Variants in FAM222B observed in about 807,000 individuals in gnomAD.
The protein encoded by FAM222B is family with sequence similarity 222 member B.
A neutral mutation model predicts 38.0 loss-of-function variants in FAM222B; 12 were observed. The observed-to-expected ratio is 0.32, with a 90% CI of 0.20 to 0.51. The LOEUF is 0.51. Ranked by LOEUF, FAM222B falls within the 20% of genes least tolerant of loss-of-function variation. The probability of loss-of-function intolerance (pLI) is 0.97; values close to 1 mark genes in which losing one functional copy is unlikely to be tolerated. For missense variants in FAM222B, 716 were observed against 754.2 expected (o/e 0.95, Z 0.59); for synonymous variants, 329 against 317.2 (o/e 1.04, Z -0.40).
At chr17:28,786,708 G>T (rs4795459) in intron 1 of FAM222B, among the ~76,000 whole-genome samples, 1 of 151,792 alleles carries the variant, frequency 6.6e-6, no homozygotes, top group African/African-American at 2.4e-5. Flanking sequence ...CTGGGAAAAA[G>T]GATTTCACAT....
At position 28,811,761 on chromosome 17, in the gene FAM222B, T is replaced by C. The variant is rs542776515; in HGVS notation, c.-41+30921A>G. ...CCTTTAACCACCATTTGACTGGGGC[T>C]GCTCCCTCTTTCCACTAGCACCTCC... On this transcript the variant is annotated intron_variant, in intron 1 of 2. Transcript: ENST00000581407. 2.0e-5 allele frequency among the ~76,000 whole-genome samples: 3 copies of C among 152,322 alleles called. 1 individual carries two copies. The South Asian group carries it at 6.2e-4, about 32-fold the overall frequency.
chr17:28,777,013 A>C (rs758038781), intron 1 of FAM222B: 18 of 152,110 alleles, frequency 1.2e-4, no homozygotes, highest in Non-Finnish European at 2.5e-4. Context: ...ATAACTAAGA[A>C]TCTCCCAACT....
chr17:28,782,404 C>A (rs1177585137), intron 1 of FAM222B, among the ~76,000 whole-genome samples: 1 of 152,116 alleles, frequency 6.6e-6, no homozygotes, highest in Admixed American at 6.6e-5. Context: ...ATTCTCTTCA[C>A]TGCAGTGCTG....
intron 1 of FAM222B, among the ~76,000 whole-genome samples, chr17:28,822,210 C>A (rs900346953): frequency 2.0e-5 from 3 of 150,798 alleles, no homozygotes; most frequent in African/African-American, 7.3e-5. Context: ...TTAGTACAGA[C>A]GGGGTTTCAC....
chr17:28,756,914 G>C lies in FAM222B; in HGVS notation c.*1356C>G, dbSNP rs2034725454. On this transcript the variant is annotated 3_prime_UTR_variant, in exon 3 of 3. Transcript: ENST00000581407. ...GACATTCCCCAGAGACAAGAGGAAA[G>C]GTAAGGGCTTATTTCATCTGTAAAA... 6.6e-6 allele frequency: 1 copy of C among 152,330 alleles called. No homozygotes were observed. The highest frequency in any genetic ancestry group is 6.6e-5 in the Admixed American group (1 of 15,256). 9.4% of individuals were successfully genotyped at this position (152,330 alleles called of 1,614,324 possible).
At chr17:28,760,017 C>A in intron 2 of FAM222B, 141 bp from the exon 3 acceptor site, 2 of 815,428 alleles carry the variant, frequency 2.5e-6, no homozygotes, top group Non-Finnish European at 1.9e-6. Context: ...AGCCTTCATT[C>A]GAGACCCAGC....
chr17:28,803,020 T>C (rs1202827865), intron 1 of FAM222B, among the ~76,000 whole-genome samples: 1 of 152,044 alleles, frequency 6.6e-6, no homozygotes, highest in Non-Finnish European at 1.5e-5. Context: ...TTTTTCTTTT[T>C]TTTTTTGAGA....
chr17:28,827,795 C>T (rs1319741052), intron 1 of FAM222B, among the ~76,000 whole-genome samples: 2 of 152,066 alleles, frequency 1.3e-5, no homozygotes, highest in East Asian at 1.9e-4. Flanking sequence ...ATGTATCAGG[C>T]ACTAGGGTAA....
rs533487486 is a variant in FAM222B at position 28,764,539 on chromosome 17, G to A, written c.82+2047C>T. ...CGAGGCAGGCGGATCACCTGAAGTC[G>A]GGAGTTCGAGACCAGCCTGACCAAC... On this transcript the variant is annotated intron_variant, in intron 2 of 2. Transcript: ENST00000581407. 2.6e-5 allele frequency among the ~76,000 whole-genome samples: 4 copies of A among 152,054 alleles called. No homozygotes were observed. The East Asian group carries it at 7.7e-4, about 29-fold the overall frequency.
intron 1 of FAM222B, among the ~76,000 whole-genome samples, chr17:28,821,894 G>T (rs2038232030): frequency 6.6e-6 from 1 of 152,052 alleles, no homozygotes; most frequent in African/African-American, 2.4e-5. Context: ...CCTGGGGCTG[G>T]GCAGAGGTTG....
At chr17:28,799,961 C>T (rs1209739096) in intron 1 of FAM222B, among the ~76,000 whole-genome samples, 1 of 151,902 alleles carries the variant, frequency 6.6e-6, no homozygotes, top group Non-Finnish European at 1.5e-5. Context: ...TCCACACATA[C>T]CAAAGACTGC....
At chr17:28,833,132 A>T (rs2038722732) in intron 1 of FAM222B, among the ~76,000 whole-genome samples, 1 of 151,438 alleles carries the variant, frequency 6.6e-6, no homozygotes, top group Admixed American at 6.6e-5. Flanking sequence ...ACCTGGTGAA[A>T]CCTGGTCTCA....
At chr17:28,786,411 C>T (rs1424338891) in intron 1 of FAM222B, among the ~76,000 whole-genome samples, 1 of 152,166 alleles carries the variant, frequency 6.6e-6, no homozygotes, top group African/African-American at 2.4e-5. Context: ...CTGTATTATT[C>T]ACACAGAGTA....
chr17:28,768,706 C>T (rs1161568755), intron 1 of FAM222B, among the ~76,000 whole-genome samples: 1 of 151,868 alleles, frequency 6.6e-6, no homozygotes, highest in Non-Finnish European at 1.5e-5. Flanking sequence ...CATGGTGGCG[C>T]ATGCCTGTAG....
At position 28,758,898 on chromosome 17, in the gene FAM222B, G is replaced by T; in HGVS notation, c.1061C>A (p.Thr354Asn). ...TGGCTTGAGGTCGCTAGGGTAGCCAGTGGGGACGCGAGAGATGCCTGTGGG... is the reference window on the plus strand; with the variant it reads ...TGGCTTGAGGTCGCTAGGGTAGCCATTGGGGACGCGAGAGATGCCTGTGGG... ...NLPTGISRVP[T>N]GYPSDLKPVT... Residue 354 changes from threonine to asparagine, a missense_variant, in exon 3 of 3, where the codon ACT becomes AAT. Transcript: ENST00000581407. The T allele has an allele frequency of 6.8e-6, 11 of 1,609,318 alleles. No homozygotes were observed. Among genetic ancestry groups the T allele is most frequent in the Non-Finnish European group, 9.3e-6 (11 of 1,178,300 alleles).
intron 1 of FAM222B, among the ~76,000 whole-genome samples, chr17:28,781,368 A>AATATAT (rs145636101): frequency 6.7e-6 from 1 of 150,372 alleles, no homozygotes; most frequent in African/African-American, 2.4e-5. Flanking sequence ...TGGCTATTAA[A>AATATAT]ATATATATAT....
rs145166334 is a variant in FAM222B, at chr17:28,822,485, C to T, written c.-41+20197G>A. 6.1e-4 allele frequency among the ~76,000 whole-genome samples: 92 copies of T among 151,170 alleles called. 1 individual carries two copies. In the East Asian group the frequency reaches 0.017, roughly 28 times the overall value. On this transcript the variant is annotated intron_variant, in intron 1 of 2. Coordinates refer to ENST00000581407, the MANE Select transcript of FAM222B (RefSeq NM_001077498.3). ...CTAAAAATACAAAAATTAAGCTGGG[C>T]GCAGTGGCATAAGCCTGTAATCCCA... is the stretch of plus-strand genomic sequence containing the variant.
At chr17:28,849,259 A>C (rs1434638600) in intron 1 of FAM222B, 1 of 138,678 alleles carries the variant, frequency 7.2e-6, no homozygotes, top group South Asian at 2.2e-4. Context: ...ACTCCGTCTC[A>C]AAAAAAAAAA....
intron 1 of FAM222B, among the ~76,000 whole-genome samples, chr17:28,776,452 CTTTTTTT>C (rs397857136): frequency 1.1e-5 from 1 of 90,974 alleles, no homozygotes; most frequent in African/African-American, 4.7e-5. Context: ...CCTAAAAAGA[CTTTTTTT>C]TTTTTTTTTT....
Sources: gnomAD v4.1 joint callset for allele counts (sites outside exome capture counted in the v4.1 genomes callset) on GRCh38, gnomAD v4.1.1 for gene constraint, MANE v1.5 for transcripts, NCBI Gene and HGNC (gene_info 2026-07-23, HGNC 2026-07-21) for gene names.